Variants in ACTR3B observed in about 807,000 individuals in gnomAD.
The protein encoded by ACTR3B is actin-related protein 3B.
Under a neutral mutation model 59.0 loss-of-function variants are expected in ACTR3B, and 8 were observed. The ratio of observed to expected loss-of-function variants is 0.14; its 90% confidence interval spans 0.08 to 0.24. The LOEUF is 0.24. Ranked by LOEUF, ACTR3B falls within the 10% of genes least tolerant of loss-of-function variation. The pLI, the probability that ACTR3B is intolerant of heterozygous loss-of-function variation, is 1.00. For synonymous variants in ACTR3B, 148 were observed against 197.9 expected, an observed-to-expected ratio of 0.75 and a Z score of 2.12; for missense variants, 245 against 552.3, an observed-to-expected ratio of 0.44 and a Z score of 5.58.
At chr7:152,775,651 C>T (rs1255918351) in intron 1 of ACTR3B, among the ~76,000 whole-genome samples, 1 of 151,638 alleles carries the variant, frequency 6.6e-6, no homozygotes, top group East Asian at 1.9e-4. Flanking sequence ...CCCAGCTACT[C>T]AGGAGGCTGA....
At chr7:152,798,009 A>G (rs545901283) in intron 2 of ACTR3B, among the ~76,000 whole-genome samples, 2 of 152,158 alleles carry the variant, frequency 1.3e-5, no homozygotes, top group Non-Finnish European at 2.9e-5. Flanking sequence ...GAGTGCAGAT[A>G]GCTCTTTAAC....
At chr7:152,847,028 G>A (rs1444499609) in intron 9 of ACTR3B, among the ~76,000 whole-genome samples, 1 of 146,656 alleles carries the variant, frequency 6.8e-6, no homozygotes, top group Non-Finnish European at 1.5e-5. Context: ...CCGGGCTGTA[G>A]TCTGCAGTGA....
At chr7:152,790,964 C>G (rs1190689826) in intron 2 of ACTR3B, among the ~76,000 whole-genome samples, 1 of 151,848 alleles carries the variant, frequency 6.6e-6, no homozygotes, top group Non-Finnish European at 1.5e-5. Context: ...TAATCCTATA[C>G]CCAAACACAA....
At chr7:152,792,910 C>T (rs2098201882) in intron 2 of ACTR3B, among the ~76,000 whole-genome samples, 1 of 151,630 alleles carries the variant, frequency 6.6e-6, no homozygotes, top group Non-Finnish European at 1.5e-5. Flanking sequence ...GATATTTTTG[C>T]TGAACATAGA....
chr7:152,842,011 C>T (rs1018211987), intron 9 of ACTR3B, among the ~76,000 whole-genome samples: 23 of 152,196 alleles, frequency 1.5e-4, no homozygotes, highest in South Asian at 6.2e-4. Flanking sequence ...AGGGAACCAT[C>T]GCTGGCAGAA....
At chr7:152,834,552 T>C (rs758222358) in intron 9 of ACTR3B, among the ~76,000 whole-genome samples, 30 of 152,382 alleles carry the variant, frequency 2.0e-4, no homozygotes, top group Non-Finnish European at 4.4e-4. Context: ...TCATATGCTA[T>C]GTATTAACAG....
intron 5 of ACTR3B, 33 bp from the exon 6 acceptor site, chr7:152,816,448 T>A: frequency 6.6e-7 from 1 of 1,524,370 alleles, no homozygotes. Flanking sequence ...AAAGAGTTCC[T>A]ATGTGCGAGC....
chr7:152,787,467 GTCTTTT>G (rs2098178386), intron 2 of ACTR3B, among the ~76,000 whole-genome samples: 1 of 151,506 alleles, frequency 6.6e-6, no homozygotes. Context: ...ATACTTTTCA[GTCTTTT>G]TCTTTTATAA....
At chr7:152,830,968 A>G (rs1219581416) in intron 9 of ACTR3B, among the ~76,000 whole-genome samples, 2 of 152,228 alleles carry the variant, frequency 1.3e-5, no homozygotes, top group Non-Finnish European at 2.9e-5. Context: ...TTTTATTCAG[A>G]TGAAGTCCTG....
At chr7:152,852,777 GCA>G (rs1205680949) in intron 10 of ACTR3B, among the ~76,000 whole-genome samples, 1 of 152,112 alleles carries the variant, frequency 6.6e-6, no homozygotes, top group African/African-American at 2.4e-5. Context: ...TGTTGGAAGA[GCA>G]CAGTTTCTTT....
At chr7:152,853,443 A>G in intron 10 of ACTR3B, 51 bp from the exon 11 acceptor site, 1 of 1,560,260 alleles carries the variant, frequency 6.4e-7, no homozygotes, top group Admixed American at 1.7e-5. Flanking sequence ...GGATGATTAG[A>G]TCACATGTGT....
At chr7:152,821,246 T>G (rs1275291586) in intron 7 of ACTR3B, among the ~76,000 whole-genome samples, 1 of 152,152 alleles carries the variant, frequency 6.6e-6, no homozygotes, top group African/African-American at 2.4e-5. Flanking sequence ...AGGGGTCACC[T>G]TCTCCTTTCT....
rs1470863129 is a variant in ACTR3B at position 152,787,469 on chromosome 7, CTT to C, written c.100+4231_100+4232del. On this transcript the variant is annotated intron_variant, in intron 2 of 11. Coordinates refer to ENST00000256001, the MANE Select transcript of ACTR3B (RefSeq NM_020445.6). ...TTTTGATATAGTAATACTTTTCAGTCTTTTTCTTTTATAATTTGTTTCTGTTT... is the reference window on the plus strand; with the variant it reads ...TTTTGATATAGTAATACTTTTCAGTCTTTCTTTTATAATTTGTTTCTGTTT... Among the ~76,000 whole-genome samples the C allele has an allele frequency of 2.0e-5, 3 of 151,704 alleles. No homozygotes were observed. The East Asian group carries it at 5.8e-4, about 29-fold the overall frequency.
intron 2 of ACTR3B, among the ~76,000 whole-genome samples, chr7:152,792,766 CA>C (rs1294472154): frequency 6.6e-6 from 1 of 151,764 alleles, no homozygotes; most frequent in Non-Finnish European, 1.5e-5. Flanking sequence ...ACCAAAAAAA[CA>C]AAAACAAAAA....
intron 1 of ACTR3B, among the ~76,000 whole-genome samples, chr7:152,772,176 TG>T (rs1268688916): frequency 1.3e-5 from 2 of 151,876 alleles, no homozygotes; most frequent in Non-Finnish European, 2.9e-5. Context: ...ACCTTAGTCT[TG>T]GGGTTTTCAA....
At chr7:152,813,012 G>C (rs1476645300) in intron 4 of ACTR3B, 3 of 92,210 alleles carry the variant, frequency 3.3e-5, no homozygotes, top group Non-Finnish European at 6.7e-5. Context: ...GTCCTCACAT[G>C]CCTTTCCCCT....
intron 4 of ACTR3B, among the ~76,000 whole-genome samples, chr7:152,802,250 A>G (rs1590303187): frequency 6.6e-6 from 1 of 152,148 alleles, no homozygotes; most frequent in Admixed American, 6.5e-5. Flanking sequence ...AGTGGGGACC[A>G]GGAGAACCTG....
chr7:152,780,561 T>G (rs1461069796), intron 1 of ACTR3B, among the ~76,000 whole-genome samples: 1 of 151,950 alleles, frequency 6.6e-6, no homozygotes, highest in Non-Finnish European at 1.5e-5. Context: ...TTTAGTTGAA[T>G]TTTAGAGTTG....
chr7:152,814,501 T>C, intron 4 of ACTR3B, 49 bp from the exon 5 acceptor site: 1 of 1,266,516 alleles, frequency 7.9e-7, no homozygotes. Context: ...TCTGATGTAT[T>C]TACATGAAAT....
Sources: allele counts gnomAD v4.1 joint callset (sites outside exome capture counted in the v4.1 genomes callset), GRCh38; gene constraint gnomAD v4.1.1; transcripts MANE v1.5; gene names NCBI Gene and HGNC (gene_info 2026-07-23, HGNC 2026-07-21).